The following SUV39H2 variants were observed in gnomAD, a reference collection of about 807,000 sequenced individuals.
The protein encoded by SUV39H2 is SUV39H2 histone lysine methyltransferase, also known as histone-lysine N-methyltransferase SUV39H2.
In SUV39H2, 10 loss-of-function variants were observed where a neutral mutation model predicts 47.5. That is an observed-to-expected ratio of 0.21 (90% confidence interval 0.13 to 0.36). The LOEUF (loss-of-function observed/expected upper bound fraction) is 0.36, where lower values mean the gene tolerates loss of function less well. SUV39H2 is among the 10% of genes least tolerant of loss of function. The pLI, the probability that SUV39H2 is intolerant of heterozygous loss-of-function variation, is 1.00. For missense variants in SUV39H2, 266 were observed against 487.4 expected (o/e 0.55, Z 4.28); for synonymous variants, 159 against 166.8 (o/e 0.95, Z 0.36).
intron 2 of SUV39H2, 91 bp downstream of exon 2, chr10:14,881,736 C>G: frequency 8.6e-7 from 1 of 1,161,864 alleles, no homozygotes; most frequent in Non-Finnish European, 1.1e-6. Flanking sequence ...AAAAGAAAAG[C>G]TCTTCTTAAT....
intron 4 of SUV39H2, 72 bp downstream of exon 4, chr10:14,899,757 T>C (rs1009576660): frequency 1.8e-5 from 27 of 1,523,838 alleles, no homozygotes; most frequent in Non-Finnish European, 2.3e-5. Context: ...AGCTAAAGAA[T>C]AATTCCCTTT....
In SUV39H2 at chr10:14,899,583, C is replaced by T. The variant is rs1256404564; in HGVS notation, c.894C>T (p.Asp298=). The part of the protein sequence containing the change: ...EEAERRGQFY[D]NKGITYLFDL... ...CTGAAAGACGAGGACAGTTCTATGACAACAAGGGAATCACGTATCTCTTTG... is the reference window on the plus strand; with the variant it reads ...CTGAAAGACGAGGACAGTTCTATGATAACAAGGGAATCACGTATCTCTTTG... The change falls in exon 4 of 6, where the codon GAC becomes GAT. Residue 298 remains aspartate, a synonymous_variant. Transcript: ENST00000354919. The T allele has an allele frequency of 6.2e-7, 1 of 1,614,104 alleles. No homozygotes were observed. Among genetic ancestry groups the T allele is most frequent in the African/African-American group, 1.3e-5 (1 of 75,010 alleles).
At chr10:14,881,767 A>G (rs1355793304) in intron 2 of SUV39H2, 122 bp downstream of exon 2, 2 of 854,148 alleles carry the variant, frequency 2.3e-6, no homozygotes, top group Non-Finnish European at 1.7e-6. Flanking sequence ...CTAAGGCATG[A>G]TAAATTTATA....
At chr10:14,890,806 C>T (rs747078512) in intron 2 of SUV39H2, among the ~76,000 whole-genome samples, 1 of 152,212 alleles carries the variant, frequency 6.6e-6, no homozygotes, top group Non-Finnish European at 1.5e-5. Flanking sequence ...TTTGCTGCCA[C>T]TTGTTGGCTA....
chr10:14,892,077 C>G (rs576999938), intron 2 of SUV39H2, among the ~76,000 whole-genome samples: 15 of 152,128 alleles, frequency 9.9e-5, no homozygotes, highest in African/African-American at 1.4e-4. Flanking sequence ...GTGTCTCCAT[C>G]GTGTAAGTGA....
intron 2 of SUV39H2, among the ~76,000 whole-genome samples, chr10:14,896,032 C>T (rs1466687426): frequency 1.3e-5 from 2 of 151,844 alleles, no homozygotes; most frequent in Non-Finnish European, 2.9e-5. Context: ...CAACCTCTGC[C>T]TCCCAGTTTC....
rs544469006 is a variant in SUV39H2 at position 14,895,043 on chromosome 10, G to A, written c.178-1803G>A. Among the ~76,000 whole-genome samples, 5 of 151,772 alleles carry A rather than the reference G, an allele frequency of 3.3e-5. No individual in the cohort carries two copies. In the South Asian group the frequency reaches 1.0e-3, roughly 32 times the overall value. Reference sequence around the variant, plus strand: ...GTTTAATCACCTTTTTATCTTAGAAGACATTTTATGATCTAATGTTACCCT... The same window carrying A: ...GTTTAATCACCTTTTTATCTTAGAAAACATTTTATGATCTAATGTTACCCT... On this transcript the variant is annotated intron_variant, in intron 2 of 5. Coordinates refer to ENST00000354919, the MANE Select transcript of SUV39H2 (RefSeq NM_001193424.2).
intron 2 of SUV39H2, among the ~76,000 whole-genome samples, chr10:14,891,130 A>G (rs1438410963): frequency 1.3e-5 from 2 of 152,246 alleles, no homozygotes; most frequent in Admixed American, 6.5e-5. Context: ...GAGACAGGAA[A>G]GACTTCATAG....
chr10:14,901,355 T>C, intron 5 of SUV39H2, 93 bp downstream of exon 5: 1 of 1,516,594 alleles, frequency 6.6e-7, no homozygotes, highest in Non-Finnish European at 9.0e-7. Flanking sequence ...GAACCAAACC[T>C]AATACTAAAG....
chr10:14,902,641 C>A lies in SUV39H2; in HGVS notation c.*129C>A. On this transcript the variant is annotated 3_prime_UTR_variant, in exon 6 of 6. Coordinates refer to ENST00000354919, the MANE Select transcript of SUV39H2 (RefSeq NM_001193424.2). ...TTAATTTACAATTCATGTTTCAAGACATTTGCCAAATGTATTACCGATGCC... is the reference window on the plus strand; with the variant it reads ...TTAATTTACAATTCATGTTTCAAGAAATTTGCCAAATGTATTACCGATGCC... 1 of 635,292 alleles carries A rather than the reference C, an allele frequency of 1.6e-6. No homozygotes were observed. The highest frequency in any genetic ancestry group is 2.6e-6 in the Non-Finnish European group (1 of 386,430). 39.4% of individuals were successfully genotyped at this position (635,292 alleles called of 1,614,324 possible).
chr10:14,880,384 G>C (rs1833007547), intron 1 of SUV39H2, among the ~76,000 whole-genome samples: 1 of 152,140 alleles, frequency 6.6e-6, no homozygotes, highest in Non-Finnish European at 1.5e-5. Flanking sequence ...ACCTCAAAAC[G>C]CAAAAGGTGA....
intron 1 of SUV39H2, 39 bp downstream of exon 1, chr10:14,878,958 C>A: frequency 1.4e-6 from 2 of 1,422,940 alleles, no homozygotes; most frequent in South Asian, 1.5e-5. Context: ...TCCCTGTTCC[C>A]AGGCAAGCTC....
chr10:14,883,116 C>T (rs1388426025), intron 2 of SUV39H2, among the ~76,000 whole-genome samples: 1 of 152,118 alleles, frequency 6.6e-6, no homozygotes. Context: ...ATCTGCCCGC[C>T]TTGGCCTCCC....
Position 14,896,727 on chromosome 10 carries a change from C to G in SUV39H2, c.178-119C>G, listed in dbSNP as rs771947745. ...TGTTAGGAACCTGTGACTACATGTT[C>G]TGAACTGTTAGTAAGAAAAATGGTA... On this transcript the variant is annotated intron_variant, in intron 2 of 5. Coordinates refer to ENST00000354919, the MANE Select transcript of SUV39H2 (RefSeq NM_001193424.2). 131 of 772,256 alleles carry G rather than the reference C, an allele frequency of 1.7e-4. 1 individual carries two copies. The highest frequency in any genetic ancestry group is 1.3e-4 in the Non-Finnish European group (64 of 492,750). 47.8% of individuals were successfully genotyped at this position (772,256 alleles called of 1,614,324 possible).
intron 2 of SUV39H2, among the ~76,000 whole-genome samples, chr10:14,883,568 G>A (rs957995955): frequency 3.3e-5 from 5 of 151,712 alleles, no homozygotes; most frequent in Admixed American, 3.3e-4. Flanking sequence ...AGCCGGGCAT[G>A]GTGGCGGGCC....
intron 5 of SUV39H2, among the ~76,000 whole-genome samples, chr10:14,901,541 T>G (rs1834009353): frequency 6.6e-6 from 1 of 151,824 alleles, no homozygotes; most frequent in Admixed American, 6.6e-5. Context: ...ACTGTACTAC[T>G]TGTCTTTTTT....
intron 2 of SUV39H2, among the ~76,000 whole-genome samples, chr10:14,895,340 C>G (rs367976732): frequency 6.6e-6 from 1 of 152,082 alleles, no homozygotes; most frequent in Non-Finnish European, 1.5e-5. Context: ...CCACACCCGG[C>G]TAATTTTTTG....
chr10:14,899,260 C>T (rs767800315), intron 3 of SUV39H2: 2 of 701,996 alleles, frequency 2.8e-6, no homozygotes, highest in South Asian at 3.0e-5. Context: ...TTAAAGGATA[C>T]AGGGAGTCAT....
intron 2 of SUV39H2, among the ~76,000 whole-genome samples, chr10:14,886,437 T>A (rs754517989): frequency 1.6e-4 from 24 of 152,230 alleles, no homozygotes; most frequent in Non-Finnish European, 3.1e-4. Context: ...ATATCAGATC[T>A]TCCCTGCCAA....
Sources: allele counts gnomAD v4.1 joint callset (sites outside exome capture counted in the v4.1 genomes callset), GRCh38; gene constraint gnomAD v4.1.1; transcripts MANE v1.5; gene names NCBI Gene and HGNC (gene_info 2026-07-23, HGNC 2026-07-21).